Variants in SDCCAG8 observed in about 807,000 individuals in gnomAD.
The protein encoded by SDCCAG8 is SHH signaling and ciliogenesis regulator SDCCAG8.
SDCCAG8 carries 74 observed loss-of-function variants against 101.8 expected under a neutral mutation model. That is an observed-to-expected ratio of 0.73 (90% confidence interval 0.60 to 0.88). The LOEUF is 0.88. SDCCAG8 is among the 40% of genes least tolerant of loss of function. SDCCAG8 has a pLI of 0.00. For missense variants in SDCCAG8, 787 were observed against 822.6 expected (o/e 0.96, Z 0.53); for synonymous variants, 281 against 292.9 (o/e 0.96, Z 0.41).
intron 10 of SDCCAG8, among the ~76,000 whole-genome samples, chr1:243,332,631 A>ACCCGGTCTGGAGGTGATTATCGCGGT (rs2074692735): frequency 1.6e-5 from 2 of 126,896 alleles, no homozygotes; most frequent in African/African-American, 6.2e-5. Flanking sequence ...ATTATCACAG[A>ACCCGGTCTGGAGGTGATTATCGCGGT]CCCGGTCTGG....
chr1:243,449,585 T>C (rs977226073), intron 16 of SDCCAG8, among the ~76,000 whole-genome samples: 4 of 152,216 alleles, frequency 2.6e-5, no homozygotes, highest in Admixed American at 6.5e-5. Context: ...AAACCAAATA[T>C]ACTTAACTTC....
intron 4 of SDCCAG8, among the ~76,000 whole-genome samples, chr1:243,279,966 G>C (rs1466239841): frequency 6.6e-6 from 1 of 152,166 alleles, no homozygotes. Context: ...ATATATTATA[G>C]ATAATTGGTA....
intron 16 of SDCCAG8, among the ~76,000 whole-genome samples, chr1:243,471,564 G>A (rs571227889): frequency 3.9e-5 from 6 of 152,172 alleles, no homozygotes; most frequent in African/African-American, 1.4e-4. Flanking sequence ...AGCTTTTCGT[G>A]CCTCTTGACA....
At chr1:243,328,313 C>G (rs1300149274) in intron 9 of SDCCAG8, among the ~76,000 whole-genome samples, 1 of 152,086 alleles carries the variant, frequency 6.6e-6, no homozygotes, top group African/African-American at 2.4e-5. Flanking sequence ...GAGTCACACT[C>G]TGTTGCCCAG....
chr1:243,358,082 A>T (rs1260043094), intron 12 of SDCCAG8, among the ~76,000 whole-genome samples: 5 of 152,192 alleles, frequency 3.3e-5, no homozygotes, highest in African/African-American at 1.2e-4. Flanking sequence ...AATAGAAAAA[A>T]AATAGATAAA....
chr1:243,331,063 A>G (rs568306670), intron 10 of SDCCAG8, among the ~76,000 whole-genome samples: 1 of 152,320 alleles, frequency 6.6e-6, no homozygotes, highest in Non-Finnish European at 1.5e-5. Flanking sequence ...CCCCTGCATT[A>G]TCTCCTACCC....
At chr1:243,351,616 T>G (rs963175993) in intron 12 of SDCCAG8, among the ~76,000 whole-genome samples, 12 of 152,248 alleles carry the variant, frequency 7.9e-5, no homozygotes, top group Admixed American at 6.5e-5. Flanking sequence ...GAAATTTGTG[T>G]TCTTATCGCA....
chr1:243,317,019 CT>C (rs2073309592), intron 9 of SDCCAG8, 126 bp downstream of exon 9: 1 of 993,918 alleles, frequency 1.0e-6, no homozygotes, highest in African/African-American at 1.6e-5. Flanking sequence ...AATTATCAAT[CT>C]GTTAATGTTG....
At chr1:243,299,457 A>C (rs1296874407) in intron 6 of SDCCAG8, among the ~76,000 whole-genome samples, 1 of 152,050 alleles carries the variant, frequency 6.6e-6, no homozygotes, top group Non-Finnish European at 1.5e-5. Context: ...TTTGTTGCCC[A>C]GGCTGGAGTG....
intron 16 of SDCCAG8, among the ~76,000 whole-genome samples, chr1:243,444,705 GTGGCATTTGTTTCT>G (rs2082782170): frequency 6.6e-6 from 1 of 152,176 alleles, no homozygotes; most frequent in Non-Finnish European, 1.5e-5. Flanking sequence ...CTGAAAGAAA[GTGGCATTTGTTTCT>G]TTGGGTAATT....
chr1:243,385,634 TCAAA>T (rs1351122313), intron 13 of SDCCAG8, among the ~76,000 whole-genome samples: 5 of 152,084 alleles, frequency 3.3e-5, no homozygotes, highest in Non-Finnish European at 7.4e-5. Context: ...CACACAGCGA[TCAAA>T]CAGACACCTA....
chr1:243,340,806 A>G lies in SDCCAG8; in HGVS notation c.1222-233A>G, dbSNP rs2256126. ...AAAACCTTGACTTTATCATCTTGTT[A>G]TACATTTTTCAAAATGAGGTTAGAG... On this transcript the variant is annotated intron_variant, in intron 10 of 17. Coordinates refer to ENST00000366541, the MANE Select transcript of SDCCAG8 (RefSeq NM_006642.5). 0.27 allele frequency among the ~76,000 whole-genome samples: 40,860 copies of G among 152,080 alleles called. 5,662 individuals carry two copies. The highest frequency in any genetic ancestry group is 0.35 in the South Asian group (1,700 of 4,828).
At chr1:243,325,682 C>G (rs553536581) in intron 9 of SDCCAG8, among the ~76,000 whole-genome samples, 1 of 152,292 alleles carries the variant, frequency 6.6e-6, no homozygotes, top group East Asian at 1.9e-4. Context: ...ACTCTCACCA[C>G]TTTCTAGGTC....
At chr1:243,321,347 G>C (rs2073740753) in intron 9 of SDCCAG8, among the ~76,000 whole-genome samples, 1 of 151,614 alleles carries the variant, frequency 6.6e-6, no homozygotes, top group African/African-American at 2.4e-5. Context: ...ATTGAGCATA[G>C]TGCCCCATAG....
intron 9 of SDCCAG8, among the ~76,000 whole-genome samples, chr1:243,319,848 C>T (rs2073602409): frequency 6.6e-6 from 1 of 152,144 alleles, no homozygotes; most frequent in African/African-American, 2.4e-5. Context: ...TGAAATGCCC[C>T]TAAGATCTCT....
intron 6 of SDCCAG8, among the ~76,000 whole-genome samples, chr1:243,304,397 A>C (rs2071868037): frequency 6.6e-6 from 1 of 152,258 alleles, no homozygotes; most frequent in South Asian, 2.1e-4. Context: ...GATTCTAATA[A>C]GATTTGATCT....
intron 1 of SDCCAG8, among the ~76,000 whole-genome samples, chr1:243,260,246 A>G (rs1309935270): frequency 6.6e-6 from 1 of 152,228 alleles, no homozygotes; most frequent in African/African-American, 2.4e-5. Flanking sequence ...TTAAAAGTGT[A>G]TGTGTCCTGG....
In SDCCAG8 at chr1:243,266,776, C is replaced by CAAA. The variant is rs566670758; in HGVS notation, c.68-3318_68-3316dup. 4.5e-5 allele frequency among the ~76,000 whole-genome samples: 5 copies of CAAA among 110,962 alleles called. 1 individual carries two copies. The highest frequency in any genetic ancestry group is 1.4e-4 in the African/African-American group (4 of 28,408). The allele number at this position is 110,962 out of a possible 152,430, so 72.8% of individuals were successfully genotyped here. On this transcript the variant is annotated intron_variant, in intron 1 of 17. Coordinates refer to ENST00000366541, the MANE Select transcript of SDCCAG8 (RefSeq NM_006642.5). Reference sequence around the variant, plus strand: ...AAAGTATTTGTCTCTATTATAAATACAAAAAAAAAAAAAGAAATTAGCTGG... The same window carrying CAAA: ...AAAGTATTTGTCTCTATTATAAATACAAAAAAAAAAAAAAAAGAAATTAGCTGG...
At chr1:243,414,098 A>G (rs2080390557) in intron 13 of SDCCAG8, among the ~76,000 whole-genome samples, 2 of 152,208 alleles carry the variant, frequency 1.3e-5, no homozygotes, top group Admixed American at 1.3e-4. Context: ...TTAAACAATA[A>G]CTAAAGTGTG....
Sources: gnomAD v4.1 joint callset for allele counts (sites outside exome capture counted in the v4.1 genomes callset) on GRCh38, gnomAD v4.1.1 for gene constraint, MANE v1.5 for transcripts, NCBI Gene and HGNC (gene_info 2026-07-23, HGNC 2026-07-21) for gene names.